STIM1: variants seen among roughly 807,000 people sequenced by gnomAD.
The protein encoded by STIM1 is stromal interaction molecule 1.
A neutral mutation model predicts 74.7 loss-of-function variants in STIM1; 25 were observed. The observed-to-expected ratio is 0.33, with a 90% CI of 0.24 to 0.47. The LOEUF (loss-of-function observed/expected upper bound fraction) is 0.47, where lower values mean the gene tolerates loss of function less well. STIM1 is among the 20% of genes least tolerant of loss of function. The probability of loss-of-function intolerance (pLI) is 1.00; values close to 1 mark genes in which losing one functional copy is unlikely to be tolerated. For missense variants in STIM1, 728 were observed against 920.8 expected (o/e 0.79, Z 2.71); for synonymous variants, 328 against 348.8 (o/e 0.94, Z 0.66).
At chr11:3,872,646 C>T (rs1204046874) in intron 1 of STIM1, among the ~76,000 whole-genome samples, 3 of 151,534 alleles carry the variant, frequency 2.0e-5, no homozygotes, top group East Asian at 2.0e-4. Context: ...CTCAGCCTCC[C>T]GAGTAGCTGG....
intron 2 of STIM1, among the ~76,000 whole-genome samples, chr11:4,023,345 A>AAACG (rs2093973943): frequency 6.6e-6 from 1 of 152,070 alleles, no homozygotes; most frequent in Non-Finnish European, 1.5e-5. Context: ...ACAAACAAAC[A>AAACG]AACAAACAAA....
chr11:4,060,441 T>A (rs1448262541), intron 5 of STIM1, among the ~76,000 whole-genome samples: 1 of 152,224 alleles, frequency 6.6e-6, no homozygotes, highest in Admixed American at 6.5e-5. Context: ...AATGTGCAAG[T>A]TGATGTCTCA....
At chr11:3,975,939 A>T (rs912864605) in intron 2 of STIM1, among the ~76,000 whole-genome samples, 22 of 152,372 alleles carry the variant, frequency 1.4e-4, no homozygotes, top group Admixed American at 3.9e-4. Context: ...ACAGTTTCTT[A>T]CAAAGTTAAA....
intron 3 of STIM1, among the ~76,000 whole-genome samples, chr11:4,053,287 T>C (rs999788199): frequency 5.9e-5 from 9 of 152,190 alleles, no homozygotes; most frequent in African/African-American, 2.2e-4. Context: ...CACACGTGTG[T>C]TTATTGCAGC....
chr11:3,967,216 A>G (rs148901310), intron 1 of STIM1, among the ~76,000 whole-genome samples: 6 of 152,292 alleles, frequency 3.9e-5, no homozygotes, highest in African/African-American at 9.6e-5. Flanking sequence ...AATGAGGCCA[A>G]ATTTTTTCCT....
chr11:3,942,076 G>C (rs1009662741), intron 1 of STIM1, among the ~76,000 whole-genome samples: 2 of 152,282 alleles, frequency 1.3e-5, no homozygotes, highest in South Asian at 4.1e-4. Context: ...AGTGATCACT[G>C]ATGACTGTAA....
chr11:4,083,121 C>A, intron 9 of STIM1, 139 bp downstream of exon 9: 1 of 1,184,198 alleles, frequency 8.4e-7, no homozygotes, highest in Non-Finnish European at 1.2e-6. Flanking sequence ...CTTTATTTAT[C>A]TCCTGCCTTG....
chr11:3,909,595 C>T (rs1445054848), intron 1 of STIM1, among the ~76,000 whole-genome samples: 1 of 151,992 alleles, frequency 6.6e-6, no homozygotes, highest in Admixed American at 6.6e-5. Context: ...GAGGCTGAGG[C>T]GGGCGGATCA....
intron 1 of STIM1, among the ~76,000 whole-genome samples, chr11:3,930,526 G>A (rs1455423809): frequency 6.6e-6 from 1 of 152,212 alleles, no homozygotes; most frequent in Non-Finnish European, 1.5e-5. Context: ...CTATCAGGCT[G>A]TGGGCAACAA....
intron 1 of STIM1, among the ~76,000 whole-genome samples, chr11:3,880,734 C>T (rs973761153): frequency 1.3e-5 from 2 of 152,176 alleles, no homozygotes; most frequent in South Asian, 4.1e-4. Context: ...GGTCACCCAG[C>T]CTCTAGCTCT....
chr11:3,977,793 G>T (rs1230916001), intron 2 of STIM1, among the ~76,000 whole-genome samples: 1 of 152,022 alleles, frequency 6.6e-6, no homozygotes, highest in Non-Finnish European at 1.5e-5. Context: ...GAGGGATGTT[G>T]TGAGACATTA....
At chr11:3,929,716 C>G (rs2092834289) in intron 1 of STIM1, among the ~76,000 whole-genome samples, 1 of 152,130 alleles carries the variant, frequency 6.6e-6, no homozygotes, top group Admixed American at 6.5e-5. Context: ...GGGTCAACAC[C>G]TTACCGCTGA....
At chr11:3,909,556 G>A (rs2092525862) in intron 1 of STIM1, among the ~76,000 whole-genome samples, 1 of 152,146 alleles carries the variant, frequency 6.6e-6, no homozygotes, top group Non-Finnish European at 1.5e-5. Flanking sequence ...TGGGCGCAGT[G>A]GCTCACGCCT....
chr11:3,895,699 TTTC>T (rs2092092264), intron 1 of STIM1, among the ~76,000 whole-genome samples: 1 of 32,112 alleles, frequency 3.1e-5, no homozygotes, highest in African/African-American at 1.9e-4. Flanking sequence ...TCTTTCTTTC[TTTC>T]TTTCTTTCTT....
At chr11:3,880,911 C>T (rs1195144331) in intron 1 of STIM1, among the ~76,000 whole-genome samples, 2 of 152,070 alleles carry the variant, frequency 1.3e-5, no homozygotes, top group East Asian at 3.9e-4. Flanking sequence ...GACTGCCTGA[C>T]ACACAGGAAA....
At chr11:4,012,501 T>C (rs1306472860) in intron 2 of STIM1, among the ~76,000 whole-genome samples, 2 of 152,194 alleles carry the variant, frequency 1.3e-5, no homozygotes, top group East Asian at 3.9e-4. Context: ...GAATGGGAGT[T>C]CACTCATGAT....
chr11:3,877,548 A>T (rs1478569103), intron 1 of STIM1, among the ~76,000 whole-genome samples: 1 of 152,074 alleles, frequency 6.6e-6, no homozygotes, highest in East Asian at 1.9e-4. Context: ...AGCTTTGAAA[A>T]CGTGTACTCA....
Position 4,091,969 on chromosome 11 carries a change from T to C in STIM1, c.*171T>C. ...CCCTCATCCTTGGGTCCTTCATTAT[T>C]ATTTATTAACTGACCACCATGGCCT... is the stretch of plus-strand genomic sequence containing the variant. On this transcript the variant is annotated 3_prime_UTR_variant, in exon 13 of 13. Transcript: ENST00000526596. 4.4e-6 allele frequency: 4 copies of C among 917,706 alleles called. No homozygotes were observed. The highest frequency in any genetic ancestry group is 6.6e-6 in the Non-Finnish European group (4 of 602,506). The allele number at this position is 917,706 out of a possible 1,614,324, so 56.8% of individuals were successfully genotyped here.
intron 2 of STIM1, among the ~76,000 whole-genome samples, chr11:4,010,283 G>A (rs990066283): frequency 6.7e-6 from 1 of 149,544 alleles, no homozygotes; most frequent in African/African-American, 2.5e-5. Context: ...CAATTGTTGT[G>A]CCTCAGCCTC....
Sources: gnomAD v4.1 joint callset for allele counts (sites outside exome capture counted in the v4.1 genomes callset) on GRCh38, gnomAD v4.1.1 for gene constraint, MANE v1.5 for transcripts, NCBI Gene and HGNC (gene_info 2026-07-23, HGNC 2026-07-21) for gene names.